Variants in SLC16A2 observed in about 807,000 individuals in gnomAD.
SLC16A2 encodes the protein monocarboxylate transporter 8.
Under a neutral mutation model 27.2 loss-of-function variants are expected in SLC16A2, and 3 were observed. The ratio of observed to expected loss-of-function variants is 0.11; its 90% CI spans 0.05 to 0.28. The LOEUF is 0.28. Ranked by LOEUF, SLC16A2 falls within the 10% of genes least tolerant of loss-of-function variation. SLC16A2 has a pLI of 1.00. For missense variants in SLC16A2, 295 were observed against 458.5 expected (o/e 0.64, Z 3.26); for synonymous variants, 202 against 187.8 (o/e 1.08, Z -0.62).
chrX:74,435,541 A>ATATATATGCATATATATATATG (rs1555980983), intron 1 of SLC16A2, among the ~76,000 whole-genome samples: 2 of 79,326 alleles, frequency 2.5e-5, no homozygotes, highest in Admixed American at 3.2e-4. Flanking sequence ...ATATATGTAT[A>ATATATATGCATATATATATATG]TATATATATA....
At chrX:74,483,949 G>T (rs1929671026) in intron 1 of SLC16A2, among the ~76,000 whole-genome samples, 2 of 110,925 alleles carry the variant, frequency 1.8e-5, no homozygotes, top group South Asian at 3.9e-4. Context: ...CATGGAGCTT[G>T]GGATTAGAGG....
intron 4 of SLC16A2, among the ~76,000 whole-genome samples, chrX:74,526,981 G>A (rs1172658729): frequency 8.9e-6 from 1 of 112,629 alleles, no homozygotes; most frequent in East Asian, 2.8e-4. Flanking sequence ...GGAAATCAGG[G>A]TAATCTGGCA....
intron 1 of SLC16A2, among the ~76,000 whole-genome samples, chrX:74,458,055 A>G (rs918125641): frequency 1.8e-5 from 2 of 112,117 alleles, no homozygotes; most frequent in South Asian, 7.5e-4. Flanking sequence ...AGTGATACTA[A>G]AGAAACAAAA....
intron 1 of SLC16A2, among the ~76,000 whole-genome samples, chrX:74,428,184 G>T (rs1323149398): frequency 1.8e-5 from 2 of 111,334 alleles, no homozygotes; most frequent in African/African-American, 3.3e-5. Flanking sequence ...GGCTTTAGGG[G>T]TGACAGAAGA....
rs192101364 is a variant in SLC16A2, at chrX:74,484,288, T to C, written c.431-36702T>C. On this transcript the variant is annotated intron_variant, in intron 1 of 5. Transcript: ENST00000587091. ...CTATCAATCAAATACATTTAGGATA[T>C]ACATTGGTTTGGTTCAGAAAGGCAA... Among the ~76,000 whole-genome samples the C allele has an allele frequency of 9.8e-5, 11 of 112,031 alleles. No individual in the cohort carries two copies. In the East Asian group the frequency reaches 3.1e-3, roughly 31 times the overall value.
At chrX:74,525,021 G>C (rs1445479617) in intron 3 of SLC16A2, among the ~76,000 whole-genome samples, 1 of 111,701 alleles carries the variant, frequency 9.0e-6, no homozygotes, top group Non-Finnish European at 1.9e-5. Context: ...ATTCCACAGG[G>C]GGAAGCCCAT....
At chrX:74,521,576 C>T (rs1430033312) in intron 2 of SLC16A2, among the ~76,000 whole-genome samples, 2 of 112,329 alleles carry the variant, frequency 1.8e-5, no homozygotes, top group Non-Finnish European at 3.8e-5. Context: ...CTCACAACCT[C>T]ACTTTCCATC....
intron 1 of SLC16A2, among the ~76,000 whole-genome samples, chrX:74,515,404 G>C (rs1267081142): frequency 9.0e-6 from 1 of 110,681 alleles, no homozygotes; most frequent in African/African-American, 3.3e-5. Flanking sequence ...TCAGATGCCT[G>C]TGAGGTTATA....
intron 1 of SLC16A2, among the ~76,000 whole-genome samples, chrX:74,501,861 T>C (rs1776662675): frequency 8.9e-6 from 1 of 111,752 alleles, no homozygotes; most frequent in Non-Finnish European, 1.9e-5. Flanking sequence ...ATACCTAATG[T>C]AAATGATGAA....
rs779917578 is a variant in SLC16A2 at position 74,454,577 on chromosome X, T to A, written c.430+32510T>A. Among the ~76,000 whole-genome samples, 3 of 47,924 alleles carry A rather than the reference T, an allele frequency of 6.3e-5. No homozygotes were observed. In the East Asian group the frequency reaches 2.3e-3, roughly 37 times the overall value. 41.6% of individuals were successfully genotyped at this position (47,924 alleles called of 115,157 possible). A position where few individuals can be genotyped will look rare whatever the true frequency, so the allele number is the denominator to read the frequency against. On this transcript the variant is annotated intron_variant, in intron 1 of 5. Coordinates refer to ENST00000587091, the MANE Select transcript of SLC16A2 (RefSeq NM_006517.5). ...GAACATCACACACCAGGGCCTGTTG[T>A]GGGGTGCGGGGAGGGGGGAGGGATA...
chrX:74,515,641 GTGCA>G (rs978882526), intron 1 of SLC16A2, among the ~76,000 whole-genome samples: 2 of 110,405 alleles, frequency 1.8e-5, no homozygotes, highest in East Asian at 2.9e-4. Flanking sequence ...AGACATGCAC[GTGCA>G]TGCACACACA....
At chrX:74,531,310 C>T in intron 5 of SLC16A2, 23 bp from the exon 6 acceptor site, 1 of 1,186,459 alleles carries the variant, frequency 8.4e-7, no homozygotes, top group South Asian at 1.8e-5. Context: ...CTGAGCTTGA[C>T]TTGTCTCTCT....
intron 5 of SLC16A2, 36 bp downstream of exon 5, chrX:74,529,477 G>A: frequency 9.5e-7 from 1 of 1,053,579 alleles, no homozygotes; most frequent in East Asian, 3.3e-5. Context: ...ATGAATCAGG[G>A]AGTCCTTTTT....
chrX:74,426,207 C>CAG (rs1928398929), intron 1 of SLC16A2, among the ~76,000 whole-genome samples: 1 of 112,099 alleles, frequency 8.9e-6, no homozygotes, highest in African/African-American at 3.2e-5. Flanking sequence ...CTCTTGACTT[C>CAG]AGCTGAAGGC....
In SLC16A2 at chrX:74,524,640, G is replaced by C; in HGVS notation, c.857G>C (p.Ser286Thr). Residue 286 changes from serine to threonine, a missense_variant, in exon 3 of 6, where the codon AGC becomes ACC. Around this residue, in one of 3 missense-constraint regions of SLC16A2, gnomAD observed 144 missense variants for 219.8 expected, o/e 0.66. Coordinates refer to ENST00000587091, the MANE Select transcript of SLC16A2 (RefSeq NM_006517.5). ...CTCACCTACCGGCCCCTCCTGCCCA[G>C]CTCCCAGGACACCCCAAGCAAGAGA... ...LSLTYRPLLP[S>T]SQDTPSKRGV... 1 of 1,211,776 alleles carries C rather than the reference G, an allele frequency of 8.3e-7. No homozygotes were observed. The highest frequency in any genetic ancestry group is 1.1e-6 in the Non-Finnish European group (1 of 895,558).
chrX:74,514,805 C>T (rs1930290846), intron 1 of SLC16A2, among the ~76,000 whole-genome samples: 1 of 111,976 alleles, frequency 8.9e-6, no homozygotes, highest in Admixed American at 9.5e-5. Context: ...ATACCCACCC[C>T]TGCTCAGCAA....
intron 1 of SLC16A2, among the ~76,000 whole-genome samples, chrX:74,510,125 A>G (rs1212473064): frequency 9.0e-6 from 1 of 111,650 alleles, no homozygotes; most frequent in Admixed American, 9.5e-5. Context: ...CAGCCCCTCT[A>G]TGATTCATAT....
At chrX:74,522,311 T>A (rs1475915831) in intron 2 of SLC16A2, among the ~76,000 whole-genome samples, 1 of 112,176 alleles carries the variant, frequency 8.9e-6, no homozygotes, top group Non-Finnish European at 1.9e-5. Flanking sequence ...TCTTTATGAC[T>A]TGAGCATTTC....
At chrX:74,518,970 C>A (rs2147868800) in intron 1 of SLC16A2, among the ~76,000 whole-genome samples, 1 of 111,760 alleles carries the variant, frequency 8.9e-6, no homozygotes, top group East Asian at 2.8e-4. Context: ...TATATCAAAT[C>A]TTTTCTTTTA....
Sources: allele counts gnomAD v4.1 joint callset (sites outside exome capture counted in the v4.1 genomes callset), GRCh38; gene constraint gnomAD v4.1.1; regional missense constraint gnomAD v4.1.1; transcripts MANE v1.5; gene names NCBI Gene and HGNC (gene_info 2026-07-23, HGNC 2026-07-21).